The following LRP1B variants were observed in gnomAD, a reference collection of about 807,000 sequenced individuals.
The protein encoded by LRP1B is LDL receptor related protein 1B.
Under a neutral mutation model 556.6 loss-of-function variants are expected in LRP1B, and 217 were observed. The ratio of observed to expected loss-of-function variants is 0.39; its 90% CI spans 0.35 to 0.44. The LOEUF (loss-of-function observed/expected upper bound fraction) is 0.44, where lower values mean the gene tolerates loss of function less well. Among genes scored for constraint, LRP1B ranks in the 20% least tolerant of loss-of-function variants. The probability of loss-of-function intolerance (pLI) is 1.00; values close to 1 mark genes in which losing one functional copy is unlikely to be tolerated. For missense variants in LRP1B, 5,053 were observed against 5,620.8 expected (o/e 0.90, Z 3.23); for synonymous variants, 2,047 against 1,865.8 (o/e 1.10, Z -2.50).
chr2:140,350,771 T>G, intron 77 of LRP1B, 26 bp downstream of exon 77: 1 of 1,600,086 alleles, frequency 6.2e-7, no homozygotes, highest in Non-Finnish European at 8.5e-7. Context: ...GTATGGACTT[T>G]CAAATATACA....
At chr2:141,571,204 G>A (rs1686515969) in intron 2 of LRP1B, among the ~76,000 whole-genome samples, 2 of 151,182 alleles carry the variant, frequency 1.3e-5, no homozygotes, top group South Asian at 2.1e-4. Flanking sequence ...AGAAGGAGCA[G>A]TCACCCACAT....
intron 27 of LRP1B, among the ~76,000 whole-genome samples, chr2:140,853,643 A>G (rs114667591): frequency 6.6e-6 from 1 of 152,048 alleles, no homozygotes; most frequent in Non-Finnish European, 1.5e-5. Flanking sequence ...CATTCCTTAC[A>G]TCAAGATGAT....
At chr2:141,130,425 C>A (rs1321466888) in intron 7 of LRP1B, among the ~76,000 whole-genome samples, 2 of 152,026 alleles carry the variant, frequency 1.3e-5, no homozygotes, top group Non-Finnish European at 2.9e-5. Context: ...TTAACACAGA[C>A]ATTTGACATG....
rs185671730 is a variant in LRP1B at position 141,508,940 on chromosome 2, C to T, written c.206-28407G>A. ...TTAGAGAAATATAAAATGGAATCAACTTCCCCCTGAGATTCCAATTTGCAG... is the reference window on the plus strand; with the variant it reads ...TTAGAGAAATATAAAATGGAATCAATTTCCCCCTGAGATTCCAATTTGCAG... On this transcript the variant is annotated intron_variant, in intron 2 of 90. Transcript: ENST00000389484. Among the ~76,000 whole-genome samples the T allele has an allele frequency of 6.0e-4, 91 of 152,208 alleles. No homozygotes were observed. In the East Asian group the frequency reaches 0.017, roughly 29 times the overall value.
At chr2:140,877,364 C>G (rs1693342754) in intron 25 of LRP1B, among the ~76,000 whole-genome samples, 1 of 152,048 alleles carries the variant, frequency 6.6e-6, no homozygotes, top group Admixed American at 6.6e-5. Flanking sequence ...AATGAGCTTT[C>G]CTAATAAATC....
At chr2:140,918,024 AT>A (rs1377679770) in intron 21 of LRP1B, among the ~76,000 whole-genome samples, 4 of 151,980 alleles carry the variant, frequency 2.6e-5, no homozygotes, top group African/African-American at 4.8e-5. Flanking sequence ...TATAAAGTCT[AT>A]TTTTTTAGAA....
intron 2 of LRP1B, among the ~76,000 whole-genome samples, chr2:141,669,302 CA>C (rs1056842173): frequency 4.6e-5 from 7 of 152,104 alleles, no homozygotes; most frequent in Non-Finnish European, 1.0e-4. Context: ...CAAAGACTGC[CA>C]CCTATATACC....
At chr2:140,312,095 C>CCTCAG (rs1390764579) in intron 83 of LRP1B, among the ~76,000 whole-genome samples, 1 of 151,914 alleles carries the variant, frequency 6.6e-6, no homozygotes, top group Non-Finnish European at 1.5e-5. Context: ...CTGCCAAAGT[C>CCTCAG]CTCAGATGTG....
chr2:141,126,251 C>G (rs1167604389), intron 7 of LRP1B, among the ~76,000 whole-genome samples: 1 of 152,108 alleles, frequency 6.6e-6, no homozygotes, highest in African/African-American at 2.4e-5. Context: ...CCAGGCTGGT[C>G]TCAAACTCCT....
At chr2:141,471,404 A>G (rs1222290752) in intron 3 of LRP1B, among the ~76,000 whole-genome samples, 1 of 151,790 alleles carries the variant, frequency 6.6e-6, no homozygotes, top group African/African-American at 2.4e-5. Context: ...TTCAGGTTCA[A>G]ACTCCTCTCA....
intron 23 of LRP1B, among the ~76,000 whole-genome samples, chr2:140,893,236 A>G (rs1693852571): frequency 6.6e-6 from 1 of 152,234 alleles, no homozygotes; most frequent in East Asian, 1.9e-4. Context: ...ACTACTTAAA[A>G]CAGAGAAAGC....
chr2:140,401,364 G>A (rs1684492709), intron 66 of LRP1B, among the ~76,000 whole-genome samples: 1 of 152,176 alleles, frequency 6.6e-6, no homozygotes, highest in African/African-American at 2.4e-5. Flanking sequence ...CCAACTGCAT[G>A]GAATCTGGGT....
At chr2:141,119,716 TTGTGTGTGTGTGTGTGTGTGTCTG>T (rs1251553052) in intron 7 of LRP1B, among the ~76,000 whole-genome samples, 1 of 149,400 alleles carries the variant, frequency 6.7e-6, no homozygotes, top group Non-Finnish European at 1.5e-5. Flanking sequence ...ACCCAAGAGG[TTGTGTGTGTGTGTGTGTGTGTCTG>T]TGTGTGTGTG....
intron 2 of LRP1B, among the ~76,000 whole-genome samples, chr2:141,608,535 T>C (rs1278472146): frequency 6.6e-6 from 1 of 152,190 alleles, no homozygotes; most frequent in Non-Finnish European, 1.5e-5. Context: ...ACTGAGTATG[T>C]TCACAGGAAT....
chr2:141,608,317 A>G (rs977558233), intron 2 of LRP1B, among the ~76,000 whole-genome samples: 1 of 152,244 alleles, frequency 6.6e-6, no homozygotes, highest in Non-Finnish European at 1.5e-5. Context: ...AAGCATTTCA[A>G]AAACTAGAGC....
chr2:141,636,625 T>C (rs1574172804), intron 2 of LRP1B, among the ~76,000 whole-genome samples: 1 of 152,170 alleles, frequency 6.6e-6, no homozygotes, highest in African/African-American at 2.4e-5. Flanking sequence ...CAACATATGC[T>C]GACAAGGATG....
intron 60 of LRP1B, among the ~76,000 whole-genome samples, chr2:140,464,960 T>C (rs1284249148): frequency 6.6e-6 from 1 of 152,204 alleles, no homozygotes; most frequent in African/African-American, 2.4e-5. Context: ...ACAAGCATTT[T>C]CAAATGTGTT....
chr2:142,022,220 G>A (rs1703349675), intron 1 of LRP1B, among the ~76,000 whole-genome samples: 1 of 151,570 alleles, frequency 6.6e-6, no homozygotes, highest in Non-Finnish European at 1.5e-5. Flanking sequence ...CTTCAGACAT[G>A]AGCAAGAAAA....
chr2:141,786,810 T>G (rs1350227152), intron 2 of LRP1B, among the ~76,000 whole-genome samples: 1 of 151,910 alleles, frequency 6.6e-6, no homozygotes, highest in African/African-American at 2.4e-5. Flanking sequence ...CTGAGGAAAT[T>G]TCCTTTAATT....
Sources: allele counts gnomAD v4.1 joint callset (sites outside exome capture counted in the v4.1 genomes callset), GRCh38; gene constraint gnomAD v4.1.1; transcripts MANE v1.5; gene names NCBI Gene and HGNC (gene_info 2026-07-23, HGNC 2026-07-21).